The following CUBN variants were observed in gnomAD, a reference collection of about 807,000 sequenced individuals.
The protein encoded by CUBN is cubilin.
In CUBN, 282 loss-of-function variants were observed where a neutral mutation model predicts 405.3. That is an observed-to-expected ratio of 0.70 (90% CI 0.63 to 0.77). The LOEUF (loss-of-function observed/expected upper bound fraction) is 0.77. Ranked by LOEUF, CUBN falls within the 30% of genes least tolerant of loss-of-function variation. The pLI is 0.00. For synonymous variants in CUBN, 1,684 were observed against 1,617.0 expected (o/e 1.04, Z -0.99); for missense variants, 4,514 against 4,475.2 (o/e 1.01, Z -0.25).
chr10:17,061,324 C>T (rs1485479876), intron 22 of CUBN, among the ~76,000 whole-genome samples: 1 of 152,084 alleles, frequency 6.6e-6, no homozygotes, highest in Non-Finnish European at 1.5e-5. Flanking sequence ...ATTAGAACCC[C>T]TTGAATTGCT....
In CUBN at chr10:17,088,457, G is replaced by C. The variant is rs1270386446; in HGVS notation, c.1766-112C>G. ...AACTTTGTTTAAATAACTATGAGCA[G>C]TTTTAGACACCCTCATAAATTAAAA... On this transcript the variant is annotated intron_variant, in intron 14 of 66. Coordinates refer to ENST00000377833, the MANE Select transcript of CUBN (RefSeq NM_001081.4). 7 of 767,888 alleles carry C rather than the reference G, an allele frequency of 9.1e-6. No homozygotes were observed. The African/African-American group carries it at 1.1e-4, about 12-fold the overall frequency. 47.6% of individuals were successfully genotyped at this position (767,888 alleles called of 1,614,324 possible).
At chr10:17,104,241 G>A (rs1209262664) in intron 12 of CUBN, among the ~76,000 whole-genome samples, 178 bp downstream of exon 12, 1 of 152,194 alleles carries the variant, frequency 6.6e-6, no homozygotes, top group Non-Finnish European at 1.5e-5. Context: ...CTTACAGTGA[G>A]ATTTATAAAT....
intron 59 of CUBN, among the ~76,000 whole-genome samples, chr10:16,855,570 C>A (rs539728781): frequency 6.6e-6 from 1 of 152,116 alleles, no homozygotes; most frequent in Non-Finnish European, 1.5e-5. Flanking sequence ...CAGCTTGGAA[C>A]GGAGGCAGGC....
chr10:16,909,409 T>C (rs954489230), intron 48 of CUBN, among the ~76,000 whole-genome samples: 3 of 152,184 alleles, frequency 2.0e-5, no homozygotes, highest in Admixed American at 1.3e-4. Context: ...CAGATTAAGA[T>C]ACCAGAATCC....
At chr10:17,054,331 C>CAAAAAA in intron 22 of CUBN, among the ~76,000 whole-genome samples, 1 of 131,272 alleles carries the variant, frequency 7.6e-6, no homozygotes, top group East Asian at 2.2e-4. Context: ...AACTCCGTCT[C>CAAAAAA]AAAAAAAAAA....
Position 16,915,167 on chromosome 10 carries a change from T to C in CUBN, c.7216A>G (p.Ile2406Val). 3.1e-6 allele frequency: 5 copies of C among 1,613,880 alleles called. No individual in the cohort carries two copies. Among genetic ancestry groups the C allele is most frequent in the Non-Finnish European group, 4.2e-6 (5 of 1,180,000 alleles). ...EIWDNHTSGN[I>V]LGRYCGNTIP... ...GTGTTTCCACAGTATCTGCCCAAGA[T>C]GTTTCCTGTGAGAGACAAATAATTA... The change falls in exon 47 of 67, where the codon ATC (isoleucine) becomes GTC (valine). Residue 2406 changes from isoleucine (I) to valine (V), a missense_variant. Transcript: ENST00000377833.
At chr10:16,907,750 T>G (rs1452244702) in intron 48 of CUBN, 71 bp from the exon 49 acceptor site, 1 of 1,526,070 alleles carries the variant, frequency 6.6e-7, no homozygotes, top group African/African-American at 1.4e-5. Flanking sequence ...AGGTGATATT[T>G]CCAGCCCAGA....
intron 13 of CUBN, among the ~76,000 whole-genome samples, chr10:17,102,253 CTATTTATTTATTTATTTATT>C (rs58806014): frequency 1.8e-4 from 26 of 144,148 alleles, no homozygotes; most frequent in African/African-American, 5.3e-4. Flanking sequence ...GAGGATCCTC[CTATTTATTTATTTATTTATT>C]TATTTATTTA....
intron 19 of CUBN, among the ~76,000 whole-genome samples, chr10:17,069,182 T>C (rs1835681571): frequency 6.6e-6 from 1 of 152,224 alleles, no homozygotes; most frequent in Non-Finnish European, 1.5e-5. Context: ...ACATTTTATT[T>C]ATCCGTTTAC....
At position 16,921,502 on chromosome 10, in the gene CUBN, C is replaced by T. The variant is rs539124547; in HGVS notation, c.6647-1365G>A. On this transcript the variant is annotated intron_variant, in intron 43 of 66. Coordinates refer to ENST00000377833, the MANE Select transcript of CUBN (RefSeq NM_001081.4). The stretch of plus-strand genomic sequence containing the variant: ...ACCCTATGAAAGCACTCATGTTCTC[C>T]CAAGTCACCTCACAGTTATATGCCC... Among the ~76,000 whole-genome samples, 8 of 152,236 alleles carry T rather than the reference C, an allele frequency of 5.3e-5. No individual in the cohort carries two copies. In the South Asian group the frequency reaches 1.5e-3, roughly 28 times the overall value.
chr10:16,930,785 C>A (rs1029119505), intron 40 of CUBN, among the ~76,000 whole-genome samples: 1 of 152,166 alleles, frequency 6.6e-6, no homozygotes, highest in African/African-American at 2.4e-5. Context: ...AGGTTCACAG[C>A]CTCCATACGG....
At chr10:16,928,971 C>T (rs1842290395) in intron 40 of CUBN, among the ~76,000 whole-genome samples, 1 of 145,718 alleles carries the variant, frequency 6.9e-6, no homozygotes, top group South Asian at 2.2e-4. Context: ...ACCTCAGTTA[C>T]TCTGATTGCT....
chr10:16,964,878 C>A (rs1843342805), intron 31 of CUBN, among the ~76,000 whole-genome samples: 1 of 152,212 alleles, frequency 6.6e-6, no homozygotes, highest in Non-Finnish European at 1.5e-5. Flanking sequence ...CTCCCCTAAG[C>A]CCTAGGCTTG....
intron 40 of CUBN, 25 bp from the exon 41 acceptor site, chr10:16,928,328 A>T: frequency 6.2e-7 from 1 of 1,612,514 alleles, no homozygotes. Flanking sequence ...AGGGAACAAC[A>T]TGAAAATACA....
chr10:17,099,041 G>T (rs975692148), intron 14 of CUBN, among the ~76,000 whole-genome samples: 4 of 152,140 alleles, frequency 2.6e-5, no homozygotes, highest in Non-Finnish European at 5.9e-5. Context: ...CTGACAAGTT[G>T]ATTCAAAAAC....
At chr10:16,935,305 C>T (rs1237780178) in intron 39 of CUBN, among the ~76,000 whole-genome samples, 2 of 152,074 alleles carry the variant, frequency 1.3e-5, no homozygotes, top group Non-Finnish European at 2.9e-5. Context: ...GCATGCACCA[C>T]CATGCCTACC....
chr10:17,044,027 CATT>C, intron 25 of CUBN, 44 bp from the exon 26 acceptor site: 1 of 1,535,262 alleles, frequency 6.5e-7, no homozygotes, highest in Non-Finnish European at 9.0e-7. Context: ...AGACTATAAA[CATT>C]ATGTAAAGGA....
chr10:16,885,506 A>C (rs1172574220), intron 56 of CUBN, among the ~76,000 whole-genome samples: 1 of 152,166 alleles, frequency 6.6e-6, no homozygotes, highest in East Asian at 1.9e-4. Context: ...TAAGTATCAG[A>C]AATAAAGGTG....
intron 3 of CUBN, among the ~76,000 whole-genome samples, chr10:17,127,251 T>A (rs1837217578): frequency 7.7e-6 from 1 of 129,182 alleles, no homozygotes. Context: ...TTTCTGTCTC[T>A]CTCTCTCTCT....
Sources: gnomAD v4.1 joint callset for allele counts (sites outside exome capture counted in the v4.1 genomes callset) on GRCh38, gnomAD v4.1.1 for gene constraint, MANE v1.5 for transcripts, NCBI Gene and HGNC (gene_info 2026-07-23, HGNC 2026-07-21) for gene names.